FCHO1: variants seen among roughly 807,000 people sequenced by gnomAD.
FCHO1 encodes the protein FCH and mu domain containing endocytic adaptor 1, also known as F-BAR domain only protein 1.
A neutral mutation model predicts 114.4 loss-of-function variants in FCHO1; 45 were observed. The ratio of observed to expected loss-of-function variants is 0.39; its 90% CI spans 0.31 to 0.50. The LOEUF is 0.50. FCHO1 is among the 20% of genes least tolerant of loss of function. The pLI, the probability that FCHO1 is intolerant of heterozygous loss-of-function variation, is 0.77. For synonymous variants in FCHO1, 480 were observed against 488.9 expected, an observed-to-expected ratio of 0.98 and a Z score of 0.24; for missense variants, 1,042 against 1,209.6, an observed-to-expected ratio of 0.86 and a Z score of 2.06.
At chr19:17,749,337 G>A (rs1299290088), upstream of FCHO1, among the ~76,000 whole-genome samples, 2 of 152,156 alleles carry the variant, frequency 1.3e-5, no homozygotes, top group Non-Finnish European at 1.5e-5. Context: ...GAAATGGGCT[G>A]AATTCCTCTG....
chr19:17,772,533 A>C lies in FCHO1; in HGVS notation c.671A>C (p.Asp224Ala), dbSNP rs1210783884. ...LLGSYAHSVE[D>A]THVQIGQVHE... ...GGCTCATATGCTCACTCGGTGGAGG[A>C]CACGCACGTGCAGATTGGGCAGGTG... The change falls in exon 10 of 29, where the codon GAC (aspartate) becomes GCC (alanine). Residue 224 changes from aspartate (D) to alanine (A), a missense_variant. Physicochemically the swap from Asp to Ala is moderately radical, Grantham distance 126. Transcript: ENST00000596536. 5 of 1,613,958 alleles carry C rather than the reference A, an allele frequency of 3.1e-6. No individual in the cohort carries two copies. The highest frequency in any genetic ancestry group is 4.2e-6 in the Non-Finnish European group (5 of 1,180,014).
intron 4 of FCHO1, among the ~76,000 whole-genome samples, chr19:17,756,684 T>A (rs1043733706): frequency 2.0e-5 from 3 of 151,978 alleles, no homozygotes; most frequent in African/African-American, 4.8e-5. Flanking sequence ...ACCCCCAGAC[T>A]CAGGGAGGCC....
rs775232231 is a variant in FCHO1, at chr19:17,783,132, G to T, written c.2053G>T (p.Ala685Ser). The change falls in exon 24 of 29, where the codon GCT becomes TCT. Residue 685 changes from alanine to serine, a missense_variant. Coordinates refer to ENST00000596536, the MANE Select transcript of FCHO1 (RefSeq NM_015122.3). ...CAGCTTCCGGCTTGTACACACAACC[G>T]CTATTGAGCACTTCCAGCCCAACGC... ...VLSFRLVHTT[A>S]IEHFQPNADL... The T allele has an allele frequency of 1.2e-6, 2 of 1,614,126 alleles. No individual in the cohort carries two copies. Among genetic ancestry groups the T allele is most frequent in the Non-Finnish European group, 1.7e-6 (2 of 1,180,034 alleles).
chr19:17,766,389 CGGTCTCCCAAAGTGCTGGGAT>C (rs1289802542), intron 6 of FCHO1, among the ~76,000 whole-genome samples: 1 of 151,988 alleles, frequency 6.6e-6, no homozygotes, highest in African/African-American at 2.4e-5. Flanking sequence ...CTGCTCGACT[CGGTCTCCCAAAGTGCTGGGAT>C]TACCAGGGCC....
At chr19:17,772,788 C>A in intron 11 of FCHO1, 47 bp downstream of exon 11, 1 of 1,401,428 alleles carries the variant, frequency 7.1e-7, no homozygotes, top group Non-Finnish European at 1.0e-6. Context: ...GCCACAGCTG[C>A]AGACAGGCAT....
Position 17,787,769 on chromosome 19 carries a change from C to T in FCHO1, c.2570C>T (p.Thr857Ile), listed in dbSNP as rs1353563336. Residue 857 changes from threonine (T) to isoleucine (I), a missense_variant, in exon 28 of 29, where the codon ACC becomes ATC. Coordinates refer to ENST00000596536, the MANE Select transcript of FCHO1 (RefSeq NM_015122.3). ...PVAAQFTSEG[T>I]TLSGVDLELV... Reference sequence around the variant, plus strand: ...GCTGCACAGTTCACCAGCGAGGGGACCACTCTGTCGGGCGTGGACTTGGAA... The same window carrying T: ...GCTGCACAGTTCACCAGCGAGGGGATCACTCTGTCGGGCGTGGACTTGGAA... The T allele has an allele frequency of 1.2e-6, 2 of 1,610,848 alleles. No individual in the cohort carries two copies. Among genetic ancestry groups the T allele is most frequent in the Non-Finnish European group, 1.7e-6 (2 of 1,179,128 alleles).
At chr19:17,761,905 C>T (rs553185311) in intron 4 of FCHO1, among the ~76,000 whole-genome samples, 21 of 151,342 alleles carry the variant, frequency 1.4e-4, no homozygotes, top group South Asian at 6.3e-4. Flanking sequence ...ATGGTCCGCC[C>T]GCCTCAGCCT....
Position 17,784,912 on chromosome 19 carries a change from C to A in FCHO1, c.2414C>A (p.Pro805Gln). Reference protein sequence around the residue: ...GEPVTNVRLQPAATWNLEEKR... With the variant: ...GEPVTNVRLQQAATWNLEEKR... ...CCTGTGACCAACGTCCGCTTGCAGCCGGCTGCCACCTGGTGAGGGCTTGCG... is the reference window on the plus strand; with the variant it reads ...CCTGTGACCAACGTCCGCTTGCAGCAGGCTGCCACCTGGTGAGGGCTTGCG... The change falls in exon 26 of 29, where the codon CCG (proline) becomes CAG (glutamine). Residue 805 changes from proline to glutamine, a missense_variant. Around this residue, in one of 3 missense-constraint regions of FCHO1, gnomAD observed 137 missense variants for 190.0 expected, o/e 0.72. Coordinates refer to ENST00000596536, the MANE Select transcript of FCHO1 (RefSeq NM_015122.3). The surrounding 1 kb of genome is among the most constrained non-coding windows in gnomAD (Gnocchi z 5.3). The A allele has an allele frequency of 6.2e-7, 1 of 1,611,604 alleles. No homozygotes were observed. The highest frequency in any genetic ancestry group is 8.5e-7 in the Non-Finnish European group (1 of 1,180,010).
At chr19:17,763,936 TTG>T (rs1225180289) in intron 5 of FCHO1, among the ~76,000 whole-genome samples, 1 of 152,046 alleles carries the variant, frequency 6.6e-6, no homozygotes, top group Non-Finnish European at 1.5e-5. Flanking sequence ...CCTCAGAGTG[TTG>T]TGTCATCCCC....
Position 17,772,659 on chromosome 19 carries a change from T to G in FCHO1, c.708T>G (p.Phe236Leu). The stretch of plus-strand genomic sequence containing the variant: ...ACCCGGCACAGGTGCATGAGGAATT[T>G]AAGCAGAACATCGAGAACGTCAGCG... ...HVQIGQVHEE[F>L]KQNIENVSVE... The change falls in exon 11 of 29, where the codon TTT becomes TTG. Residue 236 changes from phenylalanine (F) to leucine (L), a missense_variant. This residue lies in a region of FCHO1 where 450 missense variants were observed against 564.1 expected (regional missense o/e 0.80). Transcript: ENST00000596536. 6.2e-7 allele frequency: 1 copy of G among 1,614,084 alleles called. No individual in the cohort carries two copies.
At chr19:17,766,502 C>T in intron 6 of FCHO1, 167 bp from the exon 7 acceptor site, 1 of 824,224 alleles carries the variant, frequency 1.2e-6, no homozygotes, top group South Asian at 1.8e-5. Flanking sequence ...TCAGTTTCCC[C>T]ATCTGTCACA....
intron 4 of FCHO1, among the ~76,000 whole-genome samples, chr19:17,757,182 T>TAAA (rs768156240): frequency 3.6e-5 from 3 of 83,354 alleles, no homozygotes; most frequent in East Asian, 3.4e-4. Flanking sequence ...AGACTCCGTC[T>TAAA]AAAAAAAAAA....
Position 17,762,860 on chromosome 19 carries a change from TC to T in FCHO1, c.119+11del, listed in dbSNP as rs748725779. 4 of 1,598,984 alleles carry T rather than the reference TC, an allele frequency of 2.5e-6. No individual in the cohort carries two copies. The highest frequency in any genetic ancestry group is 1.7e-5 in the Admixed American group (1 of 59,878). On this transcript the variant is annotated splice_region_variant and intron_variant, in intron 5 of 28. Transcript: ENST00000596536. Reference sequence around the variant, plus strand: ...CGGACTTCATCCGGGAGAGGTGAGGTCCCCAAGCCCCATCCACCAGAGGCCA... The same window carrying T: ...CGGACTTCATCCGGGAGAGGTGAGGTCCCAAGCCCCATCCACCAGAGGCCA...
intron 4 of FCHO1, among the ~76,000 whole-genome samples, chr19:17,756,055 C>G (rs929707975): frequency 3.3e-5 from 5 of 152,176 alleles, no homozygotes; most frequent in Non-Finnish European, 7.4e-5. Context: ...TCAGAAAGCC[C>G]CTTCCCCAGT....
intron 4 of FCHO1, among the ~76,000 whole-genome samples, chr19:17,756,735 C>G (rs2146346178): frequency 6.6e-6 from 1 of 152,302 alleles, no homozygotes; most frequent in Non-Finnish European, 1.5e-5. Context: ...TTGAAGCCGC[C>G]ATAGAAGCCT....
intron 26 of FCHO1, 69 bp from the exon 27 acceptor site, chr19:17,786,505 C>A: frequency 6.5e-7 from 1 of 1,537,146 alleles, no homozygotes; most frequent in Non-Finnish European, 8.9e-7. Context: ...CAGGAGGCAG[C>A]TGAGGCAGGA....
At chr19:17,783,548 G>A (rs1177979121) in intron 24 of FCHO1, among the ~76,000 whole-genome samples, 3 of 150,618 alleles carry the variant, frequency 2.0e-5, no homozygotes, top group Admixed American at 6.6e-5. Flanking sequence ...GATTACAGGC[G>A]TGAGCTACCA....
intron 4 of FCHO1, among the ~76,000 whole-genome samples, chr19:17,759,604 C>G (rs985537055): frequency 2.6e-5 from 4 of 151,916 alleles, no homozygotes; most frequent in African/African-American, 9.7e-5. Flanking sequence ...CGCAGAGGAC[C>G]AGGTCTCCAA....
At chr19:17,759,598 G>A (rs1333561725) in intron 4 of FCHO1, among the ~76,000 whole-genome samples, 1 of 152,106 alleles carries the variant, frequency 6.6e-6, no homozygotes, top group East Asian at 1.9e-4. Flanking sequence ...AGCGGGCGCA[G>A]AGGACCAGGT....
Sources: gnomAD v4.1 joint callset for allele counts (sites outside exome capture counted in the v4.1 genomes callset) on GRCh38, gnomAD v4.1.1 for gene constraint, gnomAD v4.1.1 regional missense constraint, Gnocchi (gnomAD v3.1) non-coding constraint, MANE v1.5 for transcripts, NCBI Gene and HGNC (gene_info 2026-07-23, HGNC 2026-07-21) for gene names.